The following ALK variants were observed in gnomAD, a reference collection of about 807,000 sequenced individuals.
ALK encodes ALK receptor tyrosine kinase, also known as ALK tyrosine kinase receptor.
In ALK, 74 loss-of-function variants were observed where a neutral mutation model predicts 163.1. The ratio of observed to expected loss-of-function variants is 0.45; its 90% CI spans 0.38 to 0.55. ALK has a LOEUF of 0.55. Among genes scored for constraint, ALK ranks in the 20% least tolerant of loss-of-function variants. The pLI, the probability that ALK is intolerant of heterozygous loss-of-function variation, is 0.00. For synonymous variants in ALK, 960 were observed against 843.2 expected, an observed-to-expected ratio of 1.14 and a Z score of -2.40; for missense variants, 2,063 against 2,105.3, an observed-to-expected ratio of 0.98 and a Z score of 0.39.
chr2:29,683,703 C>T (rs1405975987), intron 3 of ALK, among the ~76,000 whole-genome samples: 2 of 152,124 alleles, frequency 1.3e-5, no homozygotes, highest in Admixed American at 6.5e-5. Flanking sequence ...GAGTTTAACC[C>T]ACCCCCCATT....
intron 4 of ALK, among the ~76,000 whole-genome samples, chr2:29,472,374 G>A (rs1671368079): frequency 6.6e-6 from 1 of 152,160 alleles, no homozygotes; most frequent in Non-Finnish European, 1.5e-5. Context: ...GTTGTTCTTT[G>A]CCACTGAGTT....
At chr2:29,287,489 G>T (rs1265308469) in intron 9 of ALK, among the ~76,000 whole-genome samples, 1 of 151,968 alleles carries the variant, frequency 6.6e-6, no homozygotes, top group Non-Finnish European at 1.5e-5. Flanking sequence ...TGATGATACA[G>T]AAGCCACAGT....
intron 13 of ALK, among the ~76,000 whole-genome samples, chr2:29,237,591 G>A (rs531244009): frequency 1.3e-5 from 2 of 152,126 alleles, no homozygotes; most frequent in African/African-American, 4.8e-5. Flanking sequence ...TCTTTCTTTT[G>A]TTCACCAATA....
intron 4 of ALK, among the ~76,000 whole-genome samples, chr2:29,404,214 G>C (rs758322023): frequency 6.7e-6 from 1 of 149,922 alleles, no homozygotes; most frequent in Non-Finnish European, 1.5e-5. Flanking sequence ...GGAGGTGGGA[G>C]AATCACTTGA....
At chr2:29,680,582 T>G (rs1324665780) in intron 3 of ALK, among the ~76,000 whole-genome samples, 2 of 152,118 alleles carry the variant, frequency 1.3e-5, no homozygotes, top group Non-Finnish European at 2.9e-5. Flanking sequence ...CAGTTATTAT[T>G]GCTCATTGTT....
chr2:29,602,178 C>T (rs1675396859), intron 3 of ALK, among the ~76,000 whole-genome samples: 4 of 151,950 alleles, frequency 2.6e-5, no homozygotes, highest in Admixed American at 2.6e-4. Flanking sequence ...TATCATTTTC[C>T]TGGGGAAAAT....
chr2:29,407,896 G>GA (rs1158691693), intron 4 of ALK, among the ~76,000 whole-genome samples: 2 of 151,984 alleles, frequency 1.3e-5, no homozygotes, highest in African/African-American at 2.4e-5. Context: ...GTGTGGAGCT[G>GA]AAAAAAGGAA....
At chr2:29,333,115 T>C (rs962662528) in intron 5 of ALK, among the ~76,000 whole-genome samples, 3 of 144,134 alleles carry the variant, frequency 2.1e-5, no homozygotes, top group East Asian at 1.9e-4. Context: ...TGGGTTTTTT[T>C]GTTTTTTTGT....
At chr2:29,424,625 T>G (rs1457578572) in intron 4 of ALK, among the ~76,000 whole-genome samples, 1 of 152,230 alleles carries the variant, frequency 6.6e-6, no homozygotes, top group East Asian at 1.9e-4. Context: ...TTCTTAAGCT[T>G]CTGGTCCCTA....
At chr2:29,480,761 A>G (rs895742362) in intron 4 of ALK, among the ~76,000 whole-genome samples, 1 of 140,968 alleles carries the variant, frequency 7.1e-6, no homozygotes, top group Admixed American at 7.7e-5. Flanking sequence ...CAAAAGTGGG[A>G]ACTCAGAAAG....
At chr2:29,850,306 T>C (rs986863059) in intron 1 of ALK, among the ~76,000 whole-genome samples, 1 of 152,198 alleles carries the variant, frequency 6.6e-6, no homozygotes, top group African/African-American at 2.4e-5. Flanking sequence ...AGATGAGGAA[T>C]GGCAGAGGCG....
chr2:29,352,610 T>C (rs1394297858), intron 5 of ALK, among the ~76,000 whole-genome samples: 1 of 152,214 alleles, frequency 6.6e-6, no homozygotes, highest in African/African-American at 2.4e-5. Flanking sequence ...GGTTATGTGA[T>C]ATTGTGACGT....
At chr2:29,733,065 G>A (rs1156981207) in intron 1 of ALK, among the ~76,000 whole-genome samples, 1 of 152,072 alleles carries the variant, frequency 6.6e-6, no homozygotes, top group African/African-American at 2.4e-5. Context: ...AAGGAGGCTA[G>A]GAAATAAGTA....
intron 5 of ALK, among the ~76,000 whole-genome samples, chr2:29,369,861 C>T (rs867251409): frequency 3.9e-5 from 6 of 152,188 alleles, no homozygotes; most frequent in African/African-American, 1.4e-4. Flanking sequence ...GGTTCTGAGT[C>T]GAGCACCTGC....
At chr2:29,530,243 A>G (rs1413864229) in intron 4 of ALK, among the ~76,000 whole-genome samples, 1 of 152,120 alleles carries the variant, frequency 6.6e-6, no homozygotes, top group Non-Finnish European at 1.5e-5. Flanking sequence ...TTGACTTCCT[A>G]TATGAGCATA....
In ALK at chr2:29,879,836, T is replaced by G. The variant is rs185551038; in HGVS notation, c.667+40157A>C. The stretch of plus-strand genomic sequence containing the variant: ...GGTAAGAAGCAGTCAGTAGGTTTCC[T>G]GTAAATCTGATAACTAACAAGGCCG... On this transcript the variant is annotated intron_variant, in intron 1 of 28. Coordinates refer to ENST00000389048, the MANE Select transcript of ALK (RefSeq NM_004304.5). Among the ~76,000 whole-genome samples the G allele has an allele frequency of 1.1e-3, 163 of 152,358 alleles. 1 individual carries two copies. The highest frequency in any genetic ancestry group is 0.01 in the East Asian group (54 of 5,184).
chr2:29,532,327 T>G (rs1673143299), intron 3 of ALK, among the ~76,000 whole-genome samples: 1 of 152,206 alleles, frequency 6.6e-6, no homozygotes, highest in Admixed American at 6.5e-5. Context: ...GCTGGAGACA[T>G]AGGCCTTATA....
intron 3 of ALK, among the ~76,000 whole-genome samples, chr2:29,571,086 A>T (rs1674355207): frequency 6.6e-6 from 1 of 152,182 alleles, no homozygotes; most frequent in South Asian, 2.1e-4. Flanking sequence ...GGAGGGAGAT[A>T]GTGGAGGGGG....
chr2:29,670,506 G>A (rs1185091016), intron 3 of ALK, among the ~76,000 whole-genome samples: 1 of 151,850 alleles, frequency 6.6e-6, no homozygotes, highest in African/African-American at 2.4e-5. Flanking sequence ...GGTCTTATTT[G>A]GGTTGATTCT....
Sources: allele counts gnomAD v4.1 joint callset (sites outside exome capture counted in the v4.1 genomes callset), GRCh38; gene constraint gnomAD v4.1.1; transcripts MANE v1.5; gene names NCBI Gene and HGNC (gene_info 2026-07-23, HGNC 2026-07-21).